Variants in SNX29 observed in about 807,000 individuals in gnomAD.
The protein encoded by SNX29 is sorting nexin-29.
SNX29 carries 78 observed loss-of-function variants against 102.1 expected under a neutral mutation model. The observed-to-expected ratio is 0.76, with a 90% CI of 0.64 to 0.92. SNX29 has a LOEUF of 0.92. Ranked by LOEUF, SNX29 falls within the 40% of genes least tolerant of loss-of-function variation. SNX29 has a pLI of 0.00. For synonymous variants in SNX29, 580 were observed against 414.5 expected, an observed-to-expected ratio of 1.40 and a Z score of -4.85; for missense variants, 1,280 against 1,061.7, an observed-to-expected ratio of 1.21 and a Z score of -2.86.
intron 13 of SNX29, among the ~76,000 whole-genome samples, chr16:12,140,006 G>GAAAAAAAAAAAAAAAAAAAA (rs2054813675): frequency 8.2e-6 from 1 of 121,866 alleles, no homozygotes; most frequent in African/African-American, 3.0e-5. Flanking sequence ...AAAAAAAAAG[G>GAAAAAAAAAAAAAAAAAAAA]AAAAGGAATC....
At chr16:12,006,225 A>G (rs2056448177) in intron 3 of SNX29, among the ~76,000 whole-genome samples, 2 of 150,542 alleles carry the variant, frequency 1.3e-5, no homozygotes, top group African/African-American at 4.9e-5. Flanking sequence ...TAATAATAAT[A>G]ATAATAATAG....
At chr16:12,487,136 T>C (rs994021055) in intron 19 of SNX29, among the ~76,000 whole-genome samples, 4 of 152,180 alleles carry the variant, frequency 2.6e-5, no homozygotes, top group South Asian at 2.1e-4. Flanking sequence ...GGTGGTTACA[T>C]CTGTAAAGTG....
chr16:12,321,397 C>T (rs2080925931), intron 15 of SNX29, among the ~76,000 whole-genome samples: 1 of 152,184 alleles, frequency 6.6e-6, no homozygotes, highest in Non-Finnish European at 1.5e-5. Flanking sequence ...AGAATTTAGC[C>T]CCCACACTTC....
intron 4 of SNX29, among the ~76,000 whole-genome samples, chr16:12,034,514 G>T (rs1171066732): frequency 6.6e-6 from 1 of 152,194 alleles, no homozygotes; most frequent in East Asian, 1.9e-4. Context: ...TGTACCCGTT[G>T]GGCTGTGTGT....
At chr16:12,525,695 C>A (rs1475979935) in intron 20 of SNX29, among the ~76,000 whole-genome samples, 2 of 109,136 alleles carry the variant, frequency 1.8e-5, no homozygotes, top group Non-Finnish European at 3.6e-5. Context: ...CCACGCCCCC[C>A]CCACCCCCCC....
At chr16:12,014,860 C>G (rs1270437569) in intron 3 of SNX29, among the ~76,000 whole-genome samples, 1 of 151,754 alleles carries the variant, frequency 6.6e-6, no homozygotes. Flanking sequence ...TTGTATGTAC[C>G]TTTCTGCTAT....
intron 13 of SNX29, among the ~76,000 whole-genome samples, chr16:12,193,229 A>C (rs565038382): frequency 6.6e-6 from 1 of 152,330 alleles, no homozygotes; most frequent in East Asian, 1.9e-4. Flanking sequence ...CATTACTTAC[A>C]TTCCACTACA....
intron 11 of SNX29, among the ~76,000 whole-genome samples, chr16:12,100,398 G>A (rs1481385780): frequency 6.6e-6 from 1 of 152,136 alleles, no homozygotes; most frequent in East Asian, 1.9e-4. Flanking sequence ...CCAGGGGAGC[G>A]GGGTAGGTAA....
At chr16:12,272,379 GAT>G (rs1467815515) in intron 14 of SNX29, among the ~76,000 whole-genome samples, 15 of 152,216 alleles carry the variant, frequency 9.9e-5, no homozygotes, top group Admixed American at 7.2e-4. Flanking sequence ...AAGATGAAGA[GAT>G]CATTTGGAGT....
intron 14 of SNX29, among the ~76,000 whole-genome samples, chr16:12,202,532 T>A (rs1404843298): frequency 6.6e-6 from 1 of 152,228 alleles, no homozygotes; most frequent in Non-Finnish European, 1.5e-5. Flanking sequence ...GGCTGCCATA[T>A]CTACCAGGAA....
chr16:12,238,464 T>G (rs567176817), intron 14 of SNX29, among the ~76,000 whole-genome samples: 2 of 152,146 alleles, frequency 1.3e-5, no homozygotes, highest in African/African-American at 4.8e-5. Flanking sequence ...TAGCTGGGAT[T>G]ACAGCCACGT....
chr16:12,573,607 G>A lies in SNX29; in HGVS notation c.*4978G>A, dbSNP rs561119858. 15 of 221,692 alleles carry A rather than the reference G, an allele frequency of 6.8e-5. No individual in the cohort carries two copies. In the South Asian group the frequency reaches 2.4e-3, roughly 36 times the overall value. The allele number at this position is 221,692 out of a possible 1,614,324, so 13.7% of individuals were successfully genotyped here. A position where few individuals can be genotyped will look rare whatever the true frequency, so the allele number is the denominator to read the frequency against. Reference sequence around the variant, plus strand: ...CCCCACTTCCCCTCAAATTTTCTCAGCTCTGCCGCTGGTCTCCATGAACGG... The same window carrying A: ...CCCCACTTCCCCTCAAATTTTCTCAACTCTGCCGCTGGTCTCCATGAACGG... On this transcript the variant is annotated 3_prime_UTR_variant, in exon 21 of 21. Transcript: ENST00000566228.
intron 13 of SNX29, among the ~76,000 whole-genome samples, chr16:12,179,192 T>C (rs1163485120): frequency 1.3e-5 from 2 of 152,204 alleles, no homozygotes; most frequent in Non-Finnish European, 2.9e-5. Flanking sequence ...TATAAAAATA[T>C]TGGCTTGTGA....
chr16:12,415,471 C>T (rs562682248), intron 18 of SNX29, among the ~76,000 whole-genome samples: 9 of 152,264 alleles, frequency 5.9e-5, no homozygotes, highest in Non-Finnish European at 1.2e-4. Context: ...CATTTGCCCT[C>T]ACCTACTGCC....
intron 13 of SNX29, among the ~76,000 whole-genome samples, chr16:12,152,822 G>C (rs916759419): frequency 3.3e-5 from 5 of 152,172 alleles, no homozygotes; most frequent in African/African-American, 1.2e-4. Flanking sequence ...TCTCACATAG[G>C]TCAGCTAAGT....
At chr16:12,534,419 C>T (rs774234800) in intron 20 of SNX29, among the ~76,000 whole-genome samples, 5 of 152,202 alleles carry the variant, frequency 3.3e-5, no homozygotes, top group Admixed American at 6.5e-5. Context: ...GTGTAGCCAG[C>T]GGCTGCACTC....
intron 18 of SNX29, among the ~76,000 whole-genome samples, chr16:12,433,194 C>G (rs1430148460): frequency 6.6e-6 from 1 of 152,198 alleles, no homozygotes; most frequent in Non-Finnish European, 1.5e-5. Context: ...AGCCACAGTT[C>G]TGGGCAGCTT....
chr16:12,216,692 T>A (rs1392684284), intron 14 of SNX29, among the ~76,000 whole-genome samples: 3 of 152,208 alleles, frequency 2.0e-5, no homozygotes, highest in Admixed American at 6.5e-5. Flanking sequence ...CTTGGGCACA[T>A]TGCCTGCCCA....
At chr16:12,527,263 C>A (rs780721790) in intron 20 of SNX29, 16 of 532,854 alleles carry the variant, frequency 3.0e-5, no homozygotes, top group Non-Finnish European at 5.5e-5. Flanking sequence ...GACGAATCTC[C>A]ATGTGATCGT....
Sources: allele counts gnomAD v4.1 joint callset (sites outside exome capture counted in the v4.1 genomes callset), GRCh38; gene constraint gnomAD v4.1.1; transcripts MANE v1.5; gene names NCBI Gene and HGNC (gene_info 2026-07-23, HGNC 2026-07-21).